The following PCBP3 variants were observed in gnomAD, a reference collection of about 807,000 sequenced individuals.
PCBP3 encodes poly(rC) binding protein 3.
Under a neutral mutation model 52.7 loss-of-function variants are expected in PCBP3, and 25 were observed. That is an observed-to-expected ratio of 0.47 (90% confidence interval 0.35 to 0.66). The LOEUF (loss-of-function observed/expected upper bound fraction) is 0.66, where lower values mean the gene tolerates loss of function less well. PCBP3 is among the 30% of genes least tolerant of loss of function. The pLI, the probability that PCBP3 is intolerant of heterozygous loss-of-function variation, is 0.01. For synonymous variants in PCBP3, 162 were observed against 183.0 expected (o/e 0.89, Z 0.93); for missense variants, 391 against 490.3 (o/e 0.80, Z 1.91).
intron 1 of PCBP3, among the ~76,000 whole-genome samples, chr21:45,660,061 A>G (rs1161650517): frequency 7.2e-5 from 11 of 151,806 alleles, no homozygotes; most frequent in Non-Finnish European, 1.3e-4. Context: ...TCCAACTGTT[A>G]CTGTTGAACT....
At chr21:45,815,076 TG>T (rs2092848344) in intron 4 of PCBP3, among the ~76,000 whole-genome samples, 1 of 44,712 alleles carries the variant, frequency 2.2e-5, no homozygotes, top group Non-Finnish European at 4.1e-5. Context: ...TGATGAGTGA[TG>T]GGTGAGTGGT....
chr21:45,778,915 G>T (rs979201352), intron 4 of PCBP3, among the ~76,000 whole-genome samples: 2 of 152,132 alleles, frequency 1.3e-5, no homozygotes, highest in Non-Finnish European at 2.9e-5. Flanking sequence ...GAGCAGGTGG[G>T]TCCATCCTTG....
intron 2 of PCBP3, among the ~76,000 whole-genome samples, chr21:45,705,730 T>C (rs767226302): frequency 2.0e-5 from 3 of 152,200 alleles, no homozygotes; most frequent in Admixed American, 1.3e-4. Flanking sequence ...TGGTCTCTTA[T>C]AGTCTTTTTT....
chr21:45,873,083 A>G (rs1269311389), intron 5 of PCBP3: 1 of 152,054 alleles, frequency 6.6e-6, no homozygotes, highest in Non-Finnish European at 1.5e-5. Flanking sequence ...ATCTGGTGTC[A>G]TGTGCTCTCC....
At chr21:45,864,139 C>G (rs1267181084) in intron 5 of PCBP3, among the ~76,000 whole-genome samples, 4 of 152,172 alleles carry the variant, frequency 2.6e-5, no homozygotes, top group Non-Finnish European at 5.9e-5. Context: ...GTGACTCTCA[C>G]CTGTGCAAAC....
intron 4 of PCBP3, among the ~76,000 whole-genome samples, chr21:45,776,214 C>G (rs1391483679): frequency 6.6e-6 from 1 of 152,024 alleles, no homozygotes; most frequent in African/African-American, 2.4e-5. Flanking sequence ...TTTTTTGAGA[C>G]TTGTTTTGTA....
chr21:45,657,606 A>G (rs2080100109), intron 1 of PCBP3, among the ~76,000 whole-genome samples: 1 of 149,762 alleles, frequency 6.7e-6, no homozygotes, highest in African/African-American at 2.5e-5. Flanking sequence ...TGGTCTTTTT[A>G]TTTATTTTGG....
At chr21:45,779,748 G>C (rs2090503129) in intron 4 of PCBP3, among the ~76,000 whole-genome samples, 1 of 152,202 alleles carries the variant, frequency 6.6e-6, no homozygotes, top group South Asian at 2.1e-4. Context: ...TTGTTAAGAT[G>C]ACTCAATATT....
At chr21:45,759,570 C>G (rs1603395399) in intron 4 of PCBP3, among the ~76,000 whole-genome samples, 2 of 152,236 alleles carry the variant, frequency 1.3e-5, no homozygotes, top group South Asian at 4.2e-4. Flanking sequence ...TTACTGTAAT[C>G]CACAGTAGAC....
chr21:45,922,044 G>A (rs1056315463), intron 13 of PCBP3, among the ~76,000 whole-genome samples: 8 of 152,158 alleles, frequency 5.3e-5, no homozygotes, highest in African/African-American at 1.7e-4. Flanking sequence ...CTATCCATGT[G>A]CCTCTGTGTG....
chr21:45,793,774 A>G (rs2091763926), intron 4 of PCBP3, among the ~76,000 whole-genome samples: 1 of 152,232 alleles, frequency 6.6e-6, no homozygotes, highest in South Asian at 2.1e-4. Context: ...TTAGAACAGT[A>G]TCTTCAAAAT....
At chr21:45,901,461 C>G (rs767941082) in intron 9 of PCBP3, 3 of 285,126 alleles carry the variant, frequency 1.1e-5, no homozygotes, top group Non-Finnish European at 1.4e-5. Context: ...TGGGCCACAC[C>G]AGCACCTCCA....
chr21:45,690,721 A>G (rs751052209), intron 2 of PCBP3, among the ~76,000 whole-genome samples: 1 of 152,218 alleles, frequency 6.6e-6, no homozygotes, highest in South Asian at 2.1e-4. Context: ...GATGCTCATC[A>G]TCATTAGTCT....
chr21:45,862,476 G>A (rs2094547174), intron 5 of PCBP3, among the ~76,000 whole-genome samples: 2 of 152,152 alleles, frequency 1.3e-5, no homozygotes, highest in African/African-American at 2.4e-5. Context: ...ACCAAAGTCT[G>A]AATAGGCAGA....
At chr21:45,840,129 A>G (rs1262612156) in intron 4 of PCBP3, among the ~76,000 whole-genome samples, 1 of 152,118 alleles carries the variant, frequency 6.6e-6, no homozygotes, top group African/African-American at 2.4e-5. Flanking sequence ...GCTAAGTACT[A>G]TAAAAAAATT....
At chr21:45,661,801 T>C (rs773073528) in intron 1 of PCBP3, among the ~76,000 whole-genome samples, 1 of 152,242 alleles carries the variant, frequency 6.6e-6, no homozygotes, top group Non-Finnish European at 1.5e-5. Context: ...CTTGCCAACA[T>C]CTGTCATTTT....
At position 45,821,920 on chromosome 21, in the gene PCBP3, C is replaced by T. The variant is rs148169616; in HGVS notation, c.-125-28041C>T. Among the ~76,000 whole-genome samples, 5 of 152,330 alleles carry T rather than the reference C, an allele frequency of 3.3e-5. No homozygotes were observed. Among genetic ancestry groups the T allele is most frequent in the South Asian group, 2.1e-4 (1 of 4,828 alleles). ...AGGGTGCATTGTCACTCGGCGTTTC[C>T]GACACCTGCTCTCATCATTTTCCTA... On this transcript the variant is annotated intron_variant, in intron 4 of 17. Transcript: ENST00000681687. This position sits in a 1 kb window ranked among gnomAD's most constrained non-coding sequence, Gnocchi z 4.4.
chr21:45,934,231 A>G (rs1020445237), intron 15 of PCBP3, among the ~76,000 whole-genome samples: 1 of 152,130 alleles, frequency 6.6e-6, no homozygotes, highest in Non-Finnish European at 1.5e-5. Context: ...TCCGAGTTAC[A>G]AGAACCACGT....
intron 3 of PCBP3, among the ~76,000 whole-genome samples, chr21:45,742,953 A>G (rs2086559613): frequency 6.6e-6 from 1 of 152,228 alleles, no homozygotes; most frequent in African/African-American, 2.4e-5. Flanking sequence ...TAAAAAGTTA[A>G]TCATATTGAG....
Sources: gnomAD v4.1 joint callset for allele counts (sites outside exome capture counted in the v4.1 genomes callset) on GRCh38, gnomAD v4.1.1 for gene constraint, Gnocchi (gnomAD v3.1) non-coding constraint, MANE v1.5 for transcripts, NCBI Gene and HGNC (gene_info 2026-07-23, HGNC 2026-07-21) for gene names.